The following TTC27 variants were observed in gnomAD, a reference collection of about 807,000 sequenced individuals.
The protein encoded by TTC27 is tetratricopeptide repeat domain 27.
TTC27 carries 79 observed loss-of-function variants against 115.9 expected under a neutral mutation model. The observed-to-expected ratio is 0.68, with a 90% CI of 0.57 to 0.82. The LOEUF is 0.82. Ranked by LOEUF, TTC27 falls within the 40% of genes least tolerant of loss-of-function variation. The pLI, the probability that TTC27 is intolerant of heterozygous loss-of-function variation, is 0.00. For synonymous variants in TTC27, 401 were observed against 356.0 expected, an observed-to-expected ratio of 1.13 and a Z score of -1.42; for missense variants, 1,054 against 993.1, an observed-to-expected ratio of 1.06 and a Z score of -0.82.
intron 16 of TTC27, among the ~76,000 whole-genome samples, chr2:32,789,756 C>CA (rs566571657): frequency 1.7e-3 from 263 of 150,480 alleles, no homozygotes; most frequent in Middle Eastern, 3.4e-3. Context: ...CCTTTCTCTA[C>CA]AAAAAAAATA....
At chr2:32,814,498 G>A (rs1319091049) in intron 18 of TTC27, among the ~76,000 whole-genome samples, 2 of 152,132 alleles carry the variant, frequency 1.3e-5, no homozygotes, top group Non-Finnish European at 2.9e-5. Context: ...AGTGCAGAAA[G>A]AATAAGCTGG....
intron 9 of TTC27, among the ~76,000 whole-genome samples, chr2:32,694,871 G>T (rs1666932581): frequency 6.6e-6 from 1 of 151,430 alleles, no homozygotes; most frequent in South Asian, 2.1e-4. Flanking sequence ...TAGAGACAGG[G>T]TCTTGCTGTG....
chr2:32,724,848 C>G (rs895995332), intron 10 of TTC27, among the ~76,000 whole-genome samples: 1 of 152,138 alleles, frequency 6.6e-6, no homozygotes, highest in Admixed American at 6.5e-5. Flanking sequence ...ACAGACATAG[C>G]CAAGACTGGG....
At position 32,778,081 on chromosome 2, in the gene TTC27, G is replaced by A. The variant is rs150350354; in HGVS notation, c.1779+101G>A. On this transcript the variant is annotated intron_variant, in intron 14 of 19. Transcript: ENST00000317907. ...AACAGCAATTCCTTTTGTGTTGGAG[G>A]AAAGTGTACATTTGAGGGAAGGTCG... 1.9e-3 allele frequency: 2,107 copies of A among 1,123,348 alleles called. 69 individuals are homozygous for A. The East Asian group carries it at 0.049, about 26-fold the overall frequency. 69.6% of individuals were successfully genotyped at this position (1,123,348 alleles called of 1,614,324 possible).
chr2:32,719,155 G>T (rs188143502), intron 10 of TTC27, among the ~76,000 whole-genome samples: 1 of 152,284 alleles, frequency 6.6e-6, no homozygotes, highest in Admixed American at 6.5e-5. Flanking sequence ...GGAAGTCATA[G>T]TCTGGAATAC....
intron 15 of TTC27, among the ~76,000 whole-genome samples, chr2:32,784,312 A>C (rs1022481175): frequency 6.6e-6 from 1 of 152,196 alleles, no homozygotes; most frequent in Non-Finnish European, 1.5e-5. Context: ...GTGGAGTTGT[A>C]AGGTCTGAGA....
intron 12 of TTC27, among the ~76,000 whole-genome samples, chr2:32,744,830 CACA>C (rs1273545478): frequency 2.0e-5 from 3 of 152,048 alleles, no homozygotes; most frequent in Admixed American, 1.3e-4. Flanking sequence ...ACAGGCGGAT[CACA>C]ACGTCAGGAG....
At chr2:32,758,212 G>A in intron 12 of TTC27, 80 bp from the exon 13 acceptor site, 4 of 1,284,236 alleles carry the variant, frequency 3.1e-6, no homozygotes, top group Non-Finnish European at 4.4e-6. Flanking sequence ...GATTGTGTGA[G>A]ATTAAAGATG....
intron 10 of TTC27, among the ~76,000 whole-genome samples, chr2:32,733,317 A>T (rs77955141): frequency 1.3e-5 from 2 of 152,242 alleles, no homozygotes; most frequent in African/African-American, 4.8e-5. Flanking sequence ...AGATGGTCTC[A>T]CATGAGTGAA....
intron 13 of TTC27, among the ~76,000 whole-genome samples, chr2:32,758,909 T>A (rs1274623461): frequency 6.6e-6 from 1 of 152,184 alleles, no homozygotes; most frequent in African/African-American, 2.4e-5. Context: ...AGAAAAACCT[T>A]TATATAAATA....
At chr2:32,684,018 C>T (rs557707144) in intron 9 of TTC27, among the ~76,000 whole-genome samples, 4 of 151,872 alleles carry the variant, frequency 2.6e-5, no homozygotes, top group African/African-American at 7.3e-5. Flanking sequence ...ATTAGCTGGG[C>T]GTGGTGGTGC....
Position 32,729,563 on chromosome 2 carries a change from G to A in TTC27, c.1234-4265G>A, listed in dbSNP as rs534023245. On this transcript the variant is annotated intron_variant, in intron 10 of 19. Coordinates refer to ENST00000317907, the MANE Select transcript of TTC27 (RefSeq NM_017735.5). ...ACTGAAAGTATAAATGTCTTTAGGC[G>A]GAGTTAGGGAGTAAATGGCATTAAA... Among the ~76,000 whole-genome samples, 11 of 152,248 alleles carry A rather than the reference G, an allele frequency of 7.2e-5. No homozygotes were observed. The South Asian group carries it at 1.5e-3, about 20-fold the overall frequency.
At chr2:32,714,932 G>T (rs1160108436) in intron 10 of TTC27, among the ~76,000 whole-genome samples, 2 of 152,000 alleles carry the variant, frequency 1.3e-5, no homozygotes, top group African/African-American at 4.8e-5. Flanking sequence ...TTTTAATGGG[G>T]TTGTTTTTTG....
intron 10 of TTC27, among the ~76,000 whole-genome samples, chr2:32,705,365 TC>T (rs1477767400): frequency 6.6e-6 from 1 of 152,200 alleles, no homozygotes; most frequent in Non-Finnish European, 1.5e-5. Context: ...CCTCAGGTAT[TC>T]CTTTACAGCA....
intron 13 of TTC27, among the ~76,000 whole-genome samples, chr2:32,767,178 C>G (rs940865432): frequency 6.6e-6 from 1 of 152,104 alleles, no homozygotes; most frequent in East Asian, 1.9e-4. Context: ...TTTTTTAAAA[C>G]CGTAATACCA....
At chr2:32,671,849 G>C (rs1666026855) in intron 7 of TTC27, among the ~76,000 whole-genome samples, 2 of 152,198 alleles carry the variant, frequency 1.3e-5, no homozygotes, top group Admixed American at 6.5e-5. Flanking sequence ...ATCCAGTTTT[G>C]AATCCTGATG....
chr2:32,767,443 G>GTTTTTTT (rs150586627), intron 13 of TTC27, among the ~76,000 whole-genome samples: 40 of 112,224 alleles, frequency 3.6e-4, no homozygotes, highest in African/African-American at 8.4e-4. Context: ...ATATTTATAA[G>GTTTTTTT]TTTTTTTTTG....
At chr2:32,691,513 G>C (rs1017943854) in intron 9 of TTC27, among the ~76,000 whole-genome samples, 1 of 151,906 alleles carries the variant, frequency 6.6e-6, no homozygotes, top group African/African-American at 2.4e-5. Flanking sequence ...TGCCCAGGCT[G>C]GTCTTGAACT....
intron 11 of TTC27, among the ~76,000 whole-genome samples, 154 bp downstream of exon 11, chr2:32,734,077 T>C (rs1668379108): frequency 1.3e-5 from 2 of 152,248 alleles, no homozygotes; most frequent in South Asian, 4.1e-4. Flanking sequence ...CTACTTCAAA[T>C]TGCTATTTTG....
Sources: allele counts gnomAD v4.1 joint callset (sites outside exome capture counted in the v4.1 genomes callset), GRCh38; gene constraint gnomAD v4.1.1; transcripts MANE v1.5; gene names NCBI Gene and HGNC (gene_info 2026-07-23, HGNC 2026-07-21).